Variants in ZNF385D observed in about 807,000 individuals in gnomAD.
ZNF385D encodes the protein zinc finger protein 659.
A neutral mutation model predicts 35.8 loss-of-function variants in ZNF385D; 15 were observed. The ratio of observed to expected loss-of-function variants is 0.42; its 90% confidence interval spans 0.28 to 0.64. The LOEUF (loss-of-function observed/expected upper bound fraction) is 0.64. ZNF385D is among the 30% of genes least tolerant of loss of function. ZNF385D has a pLI of 0.23. For synonymous variants in ZNF385D, 212 were observed against 186.8 expected, an observed-to-expected ratio of 1.13 and a Z score of -1.10; for missense variants, 474 against 494.6, an observed-to-expected ratio of 0.96 and a Z score of 0.39.
chr3:22,043,048 T>C (rs1000784624), intron 3 of ZNF385D, among the ~76,000 whole-genome samples: 9 of 152,168 alleles, frequency 5.9e-5, no homozygotes, highest in Admixed American at 3.9e-4. Context: ...GAGAAGTCCA[T>C]TGTGGCTGAC....
At chr3:21,764,495 CCA>C (rs2070746953) in intron 3 of ZNF385D, among the ~76,000 whole-genome samples, 1 of 152,146 alleles carries the variant, frequency 6.6e-6, no homozygotes, top group African/African-American at 2.4e-5. Context: ...CTGGTACAAG[CCA>C]CAGTTTTCCT....
At chr3:21,659,208 C>T (rs982525233) in intron 2 of ZNF385D, among the ~76,000 whole-genome samples, 1 of 152,050 alleles carries the variant, frequency 6.6e-6, no homozygotes, top group Non-Finnish European at 1.5e-5. Flanking sequence ...TACCTCTTCT[C>T]CCTCCTCATA....
At chr3:21,672,680 G>A (rs2066612617) in intron 1 of ZNF385D, among the ~76,000 whole-genome samples, 1 of 152,134 alleles carries the variant, frequency 6.6e-6, no homozygotes, top group Non-Finnish European at 1.5e-5. Context: ...TTCAGTTGTG[G>A]TATTTAAATA....
At chr3:21,796,754 T>C (rs1023286766) in intron 3 of ZNF385D, among the ~76,000 whole-genome samples, 2 of 152,156 alleles carry the variant, frequency 1.3e-5, no homozygotes, top group Admixed American at 6.5e-5. Flanking sequence ...AAAGAGTGAC[T>C]TACTCAAGGT....
chr3:22,169,017 T>C, exon 3 of ZNF385D: 7 of 985,870 alleles, frequency 7.1e-6, no homozygotes, highest in Non-Finnish European at 8.4e-6. Flanking sequence ...ACTCTCGCCA[T>C]CGTGTACACA....
intron 2 of ZNF385D, among the ~76,000 whole-genome samples, chr3:21,581,029 T>C (rs1368535376): frequency 6.6e-6 from 1 of 152,128 alleles, no homozygotes; most frequent in Non-Finnish European, 1.5e-5. Context: ...CCACCGTAAG[T>C]GCCCTGTATG....
intron 3 of ZNF385D, among the ~76,000 whole-genome samples, chr3:21,929,615 T>G (rs1700904140): frequency 6.6e-6 from 1 of 152,038 alleles, no homozygotes; most frequent in Admixed American, 6.6e-5. Context: ...GGAAGCAAGA[T>G]AAATGATCAA....
At position 21,807,444 on chromosome 3, in the gene ZNF385D, T is replaced by A. The variant is rs2072703355; in HGVS notation, c.326-142416A>T. Among the ~76,000 whole-genome samples the A allele has an allele frequency of 2.0e-5, 3 of 152,288 alleles. No homozygotes were observed. The South Asian group carries it at 6.2e-4, about 32-fold the overall frequency. Reference sequence around the variant, plus strand: ...ATTTATGGGTATTCTAGTTGTGATTTGACTCGCCAAGTTTAAAAGTAAAGA... The same window carrying A: ...ATTTATGGGTATTCTAGTTGTGATTAGACTCGCCAAGTTTAAAAGTAAAGA... On this transcript the variant is annotated intron_variant, in intron 3 of 5. Coordinates refer to the ZNF385D transcript ENST00000494108.
intron 3 of ZNF385D, among the ~76,000 whole-genome samples, chr3:22,121,423 A>C (rs1703082252): frequency 6.6e-6 from 1 of 152,202 alleles, no homozygotes; most frequent in Admixed American, 6.6e-5. Flanking sequence ...TCTTTGATTA[A>C]ACTTTTAAAT....
intron 7 of ZNF385D, among the ~76,000 whole-genome samples, chr3:21,422,045 CCTT>C: frequency 6.6e-6 from 1 of 152,208 alleles, no homozygotes. Context: ...TTTTCTCAGT[CCTT>C]CTCTACAAAG....
intron 3 of ZNF385D, among the ~76,000 whole-genome samples, chr3:21,785,644 T>A (rs914414551): frequency 9.2e-5 from 14 of 152,214 alleles, no homozygotes; most frequent in Admixed American, 8.5e-4. Flanking sequence ...ATAAGTGACA[T>A]TTTGAAGTAT....
chr3:22,343,745 A>T (rs1007512235), intron 2 of ZNF385D, among the ~76,000 whole-genome samples: 2 of 152,246 alleles, frequency 1.3e-5, no homozygotes, highest in Non-Finnish European at 2.9e-5. Flanking sequence ...TGCATCTGAG[A>T]ACATTAAATA....
At chr3:22,090,832 G>C (rs115485267) in intron 3 of ZNF385D, among the ~76,000 whole-genome samples, 1 of 152,280 alleles carries the variant, frequency 6.6e-6, no homozygotes, top group South Asian at 2.1e-4. Flanking sequence ...TGCCTGAGGA[G>C]ACTAGCCTTC....
chr3:22,142,580 G>A (rs555319294), intron 3 of ZNF385D, among the ~76,000 whole-genome samples: 6 of 151,784 alleles, frequency 4.0e-5, no homozygotes, highest in Non-Finnish European at 8.8e-5. Flanking sequence ...CCTCCTCTAC[G>A]GTGGTCTCCA....
intron 3 of ZNF385D, among the ~76,000 whole-genome samples, chr3:22,131,991 G>T (rs965975749): frequency 6.6e-6 from 1 of 152,140 alleles, no homozygotes; most frequent in Admixed American, 6.6e-5. Flanking sequence ...ACCTGTAGGG[G>T]TGCAGGCCTG....
chr3:21,789,543 C>A (rs1187505393), intron 3 of ZNF385D, among the ~76,000 whole-genome samples: 1 of 152,262 alleles, frequency 6.6e-6, no homozygotes, highest in East Asian at 1.9e-4. Flanking sequence ...TGTAAGCACA[C>A]ACACATATAT....
intron 2 of ZNF385D, among the ~76,000 whole-genome samples, chr3:22,256,179 A>G (rs1331352704): frequency 1.3e-5 from 2 of 148,878 alleles, no homozygotes; most frequent in Non-Finnish European, 3.0e-5. Context: ...ATACATATAC[A>G]TATACATATA....
At chr3:21,757,521 T>C (rs967243293) in intron 3 of ZNF385D, among the ~76,000 whole-genome samples, 17 of 152,276 alleles carry the variant, frequency 1.1e-4, no homozygotes, top group African/African-American at 2.4e-4. Context: ...ATAACCAGCA[T>C]TGAGAGCCAG....
chr3:21,781,540 G>C (rs945940240), intron 3 of ZNF385D, among the ~76,000 whole-genome samples: 3 of 152,008 alleles, frequency 2.0e-5, no homozygotes, highest in African/African-American at 7.2e-5. Flanking sequence ...TTTATGGAAA[G>C]CTTTTTTGAA....
Sources: gnomAD v4.1 joint callset for allele counts (sites outside exome capture counted in the v4.1 genomes callset) on GRCh38, gnomAD v4.1.1 for gene constraint, MANE v1.5 for transcripts, NCBI Gene and HGNC (gene_info 2026-07-23, HGNC 2026-07-21) for gene names.